The following FBXL7 variants were observed in gnomAD, a reference collection of about 807,000 sequenced individuals.
The protein encoded by FBXL7 is F-box and leucine rich repeat protein 7, also known as F-box/LRR-repeat protein 7.
FBXL7 carries 12 observed loss-of-function variants against 38.3 expected under a neutral mutation model. The observed-to-expected ratio is 0.31, with a 90% CI of 0.20 to 0.51. FBXL7 has a LOEUF of 0.51. Ranked by LOEUF, FBXL7 falls within the 20% of genes least tolerant of loss-of-function variation. FBXL7 has a pLI of 0.98. For synonymous variants in FBXL7, 297 were observed against 300.9 expected (o/e 0.99, Z 0.13); for missense variants, 567 against 676.4 (o/e 0.84, Z 1.79).
intron 2 of FBXL7, among the ~76,000 whole-genome samples, chr5:15,872,565 C>T (rs1219260591): frequency 6.6e-6 from 1 of 151,698 alleles, no homozygotes; most frequent in Non-Finnish European, 1.5e-5. Flanking sequence ...CACATAGGCT[C>T]AAAATAAGCA....
intron 1 of FBXL7, among the ~76,000 whole-genome samples, chr5:15,538,659 C>CT (rs1737654349): frequency 6.6e-6 from 1 of 152,194 alleles, no homozygotes; most frequent in Non-Finnish European, 1.5e-5. Flanking sequence ...ACCTGATACT[C>CT]TGTCTTCCTT....
intron 1 of FBXL7, among the ~76,000 whole-genome samples, chr5:15,535,064 T>G (rs920999182): frequency 8.5e-5 from 13 of 152,228 alleles, no homozygotes; most frequent in African/African-American, 2.9e-4. Context: ...TCTCTCTCCC[T>G]ATCCTTGCTG....
At chr5:15,783,788 TATTG>T (rs1208005837) in intron 2 of FBXL7, among the ~76,000 whole-genome samples, 2 of 152,256 alleles carry the variant, frequency 1.3e-5, no homozygotes, top group Non-Finnish European at 2.9e-5. Context: ...TTATTGATAT[TATTG>T]ATTGAGAGCA....
intron 2 of FBXL7, among the ~76,000 whole-genome samples, chr5:15,621,260 TAA>T (rs1740631015): frequency 6.6e-6 from 1 of 152,216 alleles, no homozygotes; most frequent in Non-Finnish European, 1.5e-5. Context: ...TGTGACAGTT[TAA>T]GTTTCTAATT....
At chr5:15,785,035 C>T (rs1024042056) in intron 2 of FBXL7, among the ~76,000 whole-genome samples, 6 of 152,142 alleles carry the variant, frequency 3.9e-5, no homozygotes, top group Admixed American at 1.3e-4. Context: ...TGAATCAGGT[C>T]TATACTGCAG....
chr5:15,681,925 A>G (rs1742856263), intron 2 of FBXL7, among the ~76,000 whole-genome samples: 1 of 152,248 alleles, frequency 6.6e-6, no homozygotes, highest in South Asian at 2.1e-4. Flanking sequence ...AAGGAATACA[A>G]CATCTCTAGT....
At chr5:15,573,762 A>G (rs1380909238) in intron 1 of FBXL7, among the ~76,000 whole-genome samples, 1 of 152,330 alleles carries the variant, frequency 6.6e-6, no homozygotes, top group East Asian at 1.9e-4. Flanking sequence ...TGTGCCTTGG[A>G]TCTCTGCAGA....
chr5:15,893,586 CT>C (rs199627745), intron 2 of FBXL7, among the ~76,000 whole-genome samples: 65 of 148,888 alleles, frequency 4.4e-4, no homozygotes, highest in African/African-American at 1.4e-3. Flanking sequence ...TCTGAATGTA[CT>C]TTTTTTTTTA....
chr5:15,689,500 G>T (rs376868028), intron 2 of FBXL7, among the ~76,000 whole-genome samples: 2 of 152,100 alleles, frequency 1.3e-5, no homozygotes, highest in East Asian at 1.9e-4. Flanking sequence ...TTTGTTTCAG[G>T]CACTGTGTTC....
At chr5:15,654,451 A>G (rs969108498) in intron 2 of FBXL7, among the ~76,000 whole-genome samples, 14 of 149,008 alleles carry the variant, frequency 9.4e-5, no homozygotes, top group African/African-American at 3.4e-4. Context: ...TGTTTTTTCT[A>G]ACAATCTACT....
intron 1 of FBXL7, among the ~76,000 whole-genome samples, chr5:15,510,425 T>C (rs1375345181): frequency 6.6e-6 from 1 of 152,170 alleles, no homozygotes; most frequent in Non-Finnish European, 1.5e-5. Context: ...TTTGGTTCTA[T>C]TGAGTACTGG....
chr5:15,614,296 C>T (rs1740368184), intron 1 of FBXL7, among the ~76,000 whole-genome samples: 1 of 148,894 alleles, frequency 6.7e-6, no homozygotes, highest in South Asian at 2.1e-4. Flanking sequence ...TTGAGACGGG[C>T]TCTCACTCTG....
intron 1 of FBXL7, chr5:15,602,094 G>C (rs1482523040): frequency 6.6e-6 from 1 of 152,228 alleles, no homozygotes; most frequent in African/African-American, 2.4e-5. Context: ...ACTACGAGAA[G>C]TGAGGACAGA....
At chr5:15,503,008 A>G (rs1240238356) in intron 1 of FBXL7, among the ~76,000 whole-genome samples, 1 of 152,236 alleles carries the variant, frequency 6.6e-6, no homozygotes. Flanking sequence ...TGAGAGATTT[A>G]TTAAAGTAAA....
chr5:15,561,233 C>T (rs1738407572), intron 1 of FBXL7, among the ~76,000 whole-genome samples: 1 of 152,062 alleles, frequency 6.6e-6, no homozygotes, highest in African/African-American at 2.4e-5. Context: ...TTCCTTCTTC[C>T]TCCACTTTTG....
chr5:15,501,892 GTATC>G (rs772512440), intron 1 of FBXL7, among the ~76,000 whole-genome samples: 1 of 146,566 alleles, frequency 6.8e-6, no homozygotes. Context: ...GTGTGTGTGT[GTATC>G]TATGTATATT....
chr5:15,764,452 T>C (rs1736531632), intron 2 of FBXL7, among the ~76,000 whole-genome samples: 1 of 151,842 alleles, frequency 6.6e-6, no homozygotes, highest in African/African-American at 2.4e-5. Context: ...AGCAGACAGG[T>C]GTAAAGAAGT....
chr5:15,782,205 C>A (rs1400678498), intron 2 of FBXL7, among the ~76,000 whole-genome samples: 1 of 152,146 alleles, frequency 6.6e-6, no homozygotes, highest in East Asian at 1.9e-4. Flanking sequence ...GTATGTGCCA[C>A]ATTTTCTTTA....
intron 2 of FBXL7, among the ~76,000 whole-genome samples, chr5:15,800,201 G>A (rs1368710681): frequency 6.6e-6 from 1 of 152,168 alleles, no homozygotes; most frequent in East Asian, 1.9e-4. Context: ...GATTTTGTCT[G>A]CTGCAGAATG....
Sources: gnomAD v4.1 joint callset for allele counts (sites outside exome capture counted in the v4.1 genomes callset) on GRCh38, gnomAD v4.1.1 for gene constraint, MANE v1.5 for transcripts, NCBI Gene and HGNC (gene_info 2026-07-23, HGNC 2026-07-21) for gene names.